GALNTL6: variants seen among roughly 807,000 people sequenced by gnomAD.
GALNTL6 encodes polypeptide N-acetylgalactosaminyltransferase-like 6.
Under a neutral mutation model 73.7 loss-of-function variants are expected in GALNTL6, and 46 were observed. The ratio of observed to expected loss-of-function variants is 0.62; its 90% confidence interval spans 0.49 to 0.80. GALNTL6 has a LOEUF of 0.80. Ranked by LOEUF, GALNTL6 falls within the 30% of genes least tolerant of loss-of-function variation. The pLI is 0.00. For synonymous variants in GALNTL6, 259 were observed against 263.7 expected (o/e 0.98, Z 0.17); for missense variants, 604 against 755.0 (o/e 0.80, Z 2.34).
intron 2 of GALNTL6, among the ~76,000 whole-genome samples, chr4:171,863,992 C>G (rs899064010): frequency 6.6e-6 from 1 of 152,054 alleles, no homozygotes; most frequent in Admixed American, 6.6e-5. Flanking sequence ...GACCTCCTGC[C>G]CTCAGGTGAT....
intron 5 of GALNTL6, among the ~76,000 whole-genome samples, chr4:172,493,159 T>C (rs1372416351): frequency 6.6e-6 from 1 of 152,216 alleles, no homozygotes; most frequent in Non-Finnish European, 1.5e-5. Context: ...TATCTTTCCT[T>C]GGCTTAAATT....
intron 7 of GALNTL6, among the ~76,000 whole-genome samples, chr4:172,823,827 A>G (rs1219714395): frequency 1.3e-5 from 2 of 152,230 alleles, no homozygotes; most frequent in Admixed American, 1.3e-4. Context: ...AATCATTTTT[A>G]AAACCACAAC....
intron 2 of GALNTL6, among the ~76,000 whole-genome samples, chr4:171,823,571 A>G (rs1271911018): frequency 1.1e-5 from 1 of 93,948 alleles, no homozygotes; most frequent in African/African-American, 2.9e-5. Context: ...ATATATATGT[A>G]TATATATATA....
chr4:171,951,543 T>C (rs1738878023), intron 2 of GALNTL6, among the ~76,000 whole-genome samples: 1 of 151,972 alleles, frequency 6.6e-6, no homozygotes, highest in Non-Finnish European at 1.5e-5. Flanking sequence ...ATTAACACTT[T>C]TATATATTGG....
intron 8 of GALNTL6, among the ~76,000 whole-genome samples, chr4:172,889,325 G>A (rs926661785): frequency 6.6e-6 from 1 of 152,122 alleles, no homozygotes; most frequent in African/African-American, 2.4e-5. Context: ...GGGCATCCTT[G>A]TTTTGTTCCA....
At chr4:172,473,560 C>T (rs558145890) in intron 5 of GALNTL6, among the ~76,000 whole-genome samples, 14 of 152,332 alleles carry the variant, frequency 9.2e-5, no homozygotes, top group East Asian at 3.9e-4. Flanking sequence ...CTAATTGTCA[C>T]GGTGATGACA....
At position 171,813,953 on chromosome 4, in the gene GALNTL6, G is replaced by C. The variant is rs1734450962; in HGVS notation, c.-207G>C. 6.6e-6 allele frequency: 1 copy of C among 152,392 alleles called. No homozygotes were observed. The highest frequency in any genetic ancestry group is 1.5e-5 in the Non-Finnish European group (1 of 68,132). 9.4% of individuals were successfully genotyped at this position (152,392 alleles called of 1,614,324 possible). ...TCCCTGGATCCCGGTGGAGCCCGCC[G>C]GCAAGCTGGCTCCGGAGGGAGTTGA... On this transcript the variant is annotated 5_prime_UTR_variant, in exon 1 of 13. Transcript: ENST00000506823. This position sits in a 1 kb window ranked among gnomAD's most constrained non-coding sequence, Gnocchi z 5.2.
At chr4:171,966,862 C>A (rs1456862928) in intron 2 of GALNTL6, among the ~76,000 whole-genome samples, 2 of 152,034 alleles carry the variant, frequency 1.3e-5, no homozygotes, top group Non-Finnish European at 2.9e-5. Flanking sequence ...TGTTTATTTT[C>A]TCCTATAATT....
chr4:172,814,085 A>G (rs1446551408), intron 7 of GALNTL6, among the ~76,000 whole-genome samples: 3 of 152,280 alleles, frequency 2.0e-5, no homozygotes, highest in African/African-American at 2.4e-5. Flanking sequence ...GAAAACAACT[A>G]TTTTGTTTTT....
At chr4:172,349,286 A>G (rs1178025170) in intron 5 of GALNTL6, among the ~76,000 whole-genome samples, 2 of 152,122 alleles carry the variant, frequency 1.3e-5, no homozygotes, top group East Asian at 3.8e-4. Flanking sequence ...TAAAAATTTT[A>G]TAATTTTGTA....
intron 2 of GALNTL6, among the ~76,000 whole-genome samples, chr4:172,008,547 A>C (rs1405140562): frequency 6.6e-6 from 1 of 152,032 alleles, no homozygotes; most frequent in Non-Finnish European, 1.5e-5. Flanking sequence ...TTACTCCAAT[A>C]ATTAGTCAGT....
intron 5 of GALNTL6, among the ~76,000 whole-genome samples, chr4:172,376,452 G>A (rs1374446902): frequency 6.6e-6 from 1 of 152,122 alleles, no homozygotes; most frequent in African/African-American, 2.4e-5. Context: ...CCTCGACTCA[G>A]CCCAGGAAAA....
intron 5 of GALNTL6, among the ~76,000 whole-genome samples, chr4:172,684,889 A>G (rs764498378): frequency 2.0e-5 from 3 of 152,118 alleles, no homozygotes; most frequent in African/African-American, 4.8e-5. Flanking sequence ...CATTTTTTCA[A>G]TTTACCATTA....
At chr4:172,153,097 C>A (rs115039907) in intron 2 of GALNTL6, among the ~76,000 whole-genome samples, 4 of 152,252 alleles carry the variant, frequency 2.6e-5, no homozygotes, top group Non-Finnish European at 5.9e-5. Flanking sequence ...AGTTCACATC[C>A]GCTTATTGAC....
intron 2 of GALNTL6, among the ~76,000 whole-genome samples, chr4:172,081,036 A>C (rs1731864033): frequency 1.3e-5 from 2 of 152,170 alleles, no homozygotes; most frequent in Non-Finnish European, 2.9e-5. Context: ...ACCTATTTAA[A>C]ACAATCACCT....
chr4:172,176,351 A>AAAAAAAAAAAAAAAAAG, intron 2 of GALNTL6, among the ~76,000 whole-genome samples: 1 of 149,320 alleles, frequency 6.7e-6, no homozygotes, highest in Non-Finnish European at 1.5e-5. Context: ...AAAAAAAAAA[A>AAAAAAAAAAAAAAAAAG]AAAAAGAGTG....
intron 9 of GALNTL6, among the ~76,000 whole-genome samples, chr4:172,946,114 G>A: frequency 7.8e-6 from 1 of 127,778 alleles, no homozygotes; most frequent in East Asian, 2.3e-4. Flanking sequence ...CACTAGTTTT[G>A]GGGAAAAAGC....
intron 2 of GALNTL6, among the ~76,000 whole-genome samples, chr4:171,910,119 A>C (rs1240979114): frequency 6.6e-6 from 1 of 152,200 alleles, no homozygotes; most frequent in African/African-American, 2.4e-5. Context: ...TAGCTAGCAT[A>C]AAGCTTTTTA....
At chr4:172,588,051 A>G (rs899310043) in intron 5 of GALNTL6, among the ~76,000 whole-genome samples, 5 of 152,184 alleles carry the variant, frequency 3.3e-5, no homozygotes, top group Admixed American at 3.3e-4. Flanking sequence ...GGAACTGAAG[A>G]TATGGTTGAT....
Sources: gnomAD v4.1 joint callset for allele counts (sites outside exome capture counted in the v4.1 genomes callset) on GRCh38, gnomAD v4.1.1 for gene constraint, Gnocchi (gnomAD v3.1) non-coding constraint, MANE v1.5 for transcripts, NCBI Gene and HGNC (gene_info 2026-07-23, HGNC 2026-07-21) for gene names.